The following RHCG variants were observed in gnomAD, a reference collection of about 807,000 sequenced individuals.
RHCG encodes Rh family C glycoprotein.
A neutral mutation model predicts 55.3 loss-of-function variants in RHCG; 39 were observed. The observed-to-expected ratio is 0.70, with a 90% CI of 0.55 to 0.92. The LOEUF (loss-of-function observed/expected upper bound fraction) is 0.92. Ranked by LOEUF, RHCG falls within the 40% of genes least tolerant of loss-of-function variation. The probability of loss-of-function intolerance (pLI) is 0.00; values close to 1 mark genes in which losing one functional copy is unlikely to be tolerated. For missense variants in RHCG, 635 were observed against 627.9 expected (o/e 1.01, Z -0.12); for synonymous variants, 250 against 246.8 (o/e 1.01, Z -0.12).
intron 9 of RHCG, among the ~76,000 whole-genome samples, chr15:89,475,740 T>A (rs1961136514): frequency 6.6e-6 from 1 of 152,074 alleles, no homozygotes; most frequent in Non-Finnish European, 1.5e-5. Context: ...TTTAAAAAAA[T>A]TCTAATGTCT....
intron 2 of RHCG, among the ~76,000 whole-genome samples, chr15:89,483,499 T>C (rs572604758): frequency 6.6e-6 from 1 of 152,208 alleles, no homozygotes; most frequent in South Asian, 2.1e-4. Flanking sequence ...CAGGGCACCA[T>C]GTGGTCTGGT....
intron 2 of RHCG, among the ~76,000 whole-genome samples, chr15:89,484,421 GT>G (rs1204097259): frequency 6.6e-6 from 1 of 152,146 alleles, no homozygotes; most frequent in Admixed American, 6.5e-5. Context: ...GAGAGGCTAA[GT>G]TTTTTGCCCA....
In RHCG at chr15:89,477,089, G is replaced by C; in HGVS notation, c.1230C>G (p.Ile410Met). 1 of 1,614,014 alleles carries C rather than the reference G, an allele frequency of 6.2e-7. No individual in the cohort carries two copies. The highest frequency in any genetic ancestry group is 1.3e-5 in the African/African-American group (1 of 74,980). The stretch of plus-strand genomic sequence containing the variant: ...TCAGCCATTCCTGCTCACCCACAAT[G>C]ATGCCACCCATCAGGGCCATGGCCA... ...VTLAMALMGGIIVGLILRLPF... is the reference protein window; with the variant it reads ...VTLAMALMGGMIVGLILRLPF... Residue 410 changes from isoleucine to methionine, a missense_variant, in exon 8 of 11, where the codon ATC becomes ATG. Ile to Met is a conservative substitution (Grantham distance 10). Transcript: ENST00000268122. The surrounding 1 kb of genome is among the most constrained non-coding windows in gnomAD (Gnocchi z 4.5).
intron 1 of RHCG, among the ~76,000 whole-genome samples, chr15:89,491,254 C>T (rs1281417645): frequency 2.0e-5 from 3 of 152,108 alleles, no homozygotes; most frequent in Non-Finnish European, 4.4e-5. Flanking sequence ...CTTCTCCCTG[C>T]TCTGGTGGGT....
rs747037947 is a variant in RHCG at position 89,477,142 on chromosome 15, ACT to A, written c.1175_1176del (p.Lys392IlefsTer35). On this transcript the variant is annotated frameshift_variant, in exon 8 of 11. Coordinates refer to ENST00000268122, the MANE Select transcript of RHCG (RefSeq NM_016321.3). LOFTEE classifies it high-confidence loss of function. This position sits in a 1 kb window ranked among gnomAD's most constrained non-coding sequence, Gnocchi z 4.5. ...NGDWTARTQGKFQIYGLLVTL... is the reference protein window; with the variant it reads ...NGDWTARTQGXFQIYGLLVTL... ...GTCACCAAGAGACCATAAATCTGGA[ACT>A]TTCCCTGTGTTCTTGCGGTCCAGTC... is the stretch of plus-strand genomic sequence containing the variant. 6.2e-7 allele frequency: 1 copy of A among 1,614,024 alleles called. No homozygotes were observed. Among genetic ancestry groups the A allele is most frequent in the South Asian group, 1.1e-5 (1 of 91,066 alleles).
intron 1 of RHCG, among the ~76,000 whole-genome samples, chr15:89,493,085 C>T (rs1242796838): frequency 2.0e-5 from 3 of 152,238 alleles, no homozygotes; most frequent in East Asian, 3.8e-4. Flanking sequence ...CTGCCTTCTG[C>T]CTGTGGGTAA....
At position 89,476,006 on chromosome 15, in the gene RHCG, G is replaced by GCT. The variant is rs1209826016; in HGVS notation, c.1311+747_1311+748dup. Among the ~76,000 whole-genome samples the GCT allele has an allele frequency of 6.3e-3, 868 of 137,916 alleles. 10 individuals are homozygous for GCT. Among genetic ancestry groups the GCT allele is most frequent in the African/African-American group, 0.028 (829 of 29,456 alleles). 90.5% of individuals were successfully genotyped at this position (137,916 alleles called of 152,430 possible). ...CTTTGCATTTCTCTCTCTCTCTCTT[G>GCT]CTCTCGCTCTCTCTCTCTCTCTCTC... On this transcript the variant is annotated intron_variant, in intron 9 of 10. Transcript: ENST00000268122.
At chr15:89,476,267 C>T (rs1290963179) in intron 9 of RHCG, among the ~76,000 whole-genome samples, 1 of 152,094 alleles carries the variant, frequency 6.6e-6, no homozygotes, top group Non-Finnish European at 1.5e-5. Flanking sequence ...ACAGAGTCTC[C>T]CTATGTTGCC....
chr15:89,487,230 T>C (rs991441683), intron 1 of RHCG, among the ~76,000 whole-genome samples: 1 of 152,064 alleles, frequency 6.6e-6, no homozygotes, highest in African/African-American at 2.4e-5. Flanking sequence ...AGGGAGGCGC[T>C]GGGGGGGACC....
At chr15:89,492,514 A>G (rs994753536) in intron 1 of RHCG, among the ~76,000 whole-genome samples, 4 of 151,624 alleles carry the variant, frequency 2.6e-5, no homozygotes, top group African/African-American at 9.7e-5. Flanking sequence ...CCACATCAAC[A>G]CTGCAAAATC....
chr15:89,487,123 G>A (rs1350746372), intron 1 of RHCG, 138 bp from the exon 2 acceptor site: 4 of 752,172 alleles, frequency 5.3e-6, no homozygotes, highest in Admixed American at 3.6e-5. Context: ...ATCCTAACCC[G>A]GTTCCCCCAC....
intron 2 of RHCG, 101 bp from the exon 3 acceptor site, chr15:89,483,318 C>T (rs751343791): frequency 5.5e-6 from 6 of 1,094,510 alleles, no homozygotes; most frequent in Admixed American, 2.9e-5. Flanking sequence ...TGTGGCTTAA[C>T]CTTTCTGAGC....
chr15:89,486,841 A>G lies in RHCG; in HGVS notation c.329T>C (p.Phe110Ser). The change falls in exon 2 of 11, where the codon TTC (phenylalanine) becomes TCC (serine). Residue 110 changes from phenylalanine (F) to serine (S), a missense_variant. Transcript: ENST00000268122. ...GATGTAGCGGTCTTGTAAGAAGTGGAACCAGCCCTGCATGAGCAGCGCCCA... is the reference window on the plus strand; with the variant it reads ...GATGTAGCGGTCTTGTAAGAAGTGGGACCAGCCCTGCATGAGCAGCGCCCA... Reference protein sequence around the residue: ...IQWALLMQGWFHFLQDRYIVV... With the variant: ...IQWALLMQGWSHFLQDRYIVV... The G allele has an allele frequency of 6.2e-7, 1 of 1,608,414 alleles. No individual in the cohort carries two copies. The highest frequency in any genetic ancestry group is 8.5e-7 in the Non-Finnish European group (1 of 1,175,616).
chr15:89,475,601 G>A (rs182626945), intron 9 of RHCG, among the ~76,000 whole-genome samples: 10 of 152,232 alleles, frequency 6.6e-5, no homozygotes, highest in East Asian at 1.9e-4. Flanking sequence ...GCAGAGTCCC[G>A]GTCCCTACTG....
chr15:89,472,584 G>T, intron 10 of RHCG, 127 bp downstream of exon 10: 2 of 913,968 alleles, frequency 2.2e-6, no homozygotes, highest in Non-Finnish European at 1.6e-6. Context: ...ACCTCAGGCA[G>T]GAGGGGTGGA....
At chr15:89,476,519 C>G (rs1034144033) in intron 9 of RHCG, among the ~76,000 whole-genome samples, 1 of 152,158 alleles carries the variant, frequency 6.6e-6, no homozygotes, top group African/African-American at 2.4e-5. Flanking sequence ...TCTGTCACCC[C>G]CTCTAGGGTG....
intron 2 of RHCG, chr15:89,486,189 C>A (rs1961355274): frequency 2.2e-6 from 1 of 451,112 alleles, no homozygotes; most frequent in African/African-American, 2.0e-5. Flanking sequence ...ACACTCCACA[C>A]CCACACCTGT....
At chr15:89,486,758 C>T (rs1447315186) in intron 2 of RHCG, 41 bp downstream of exon 2, 2 of 1,558,648 alleles carry the variant, frequency 1.3e-6, no homozygotes, top group Non-Finnish European at 8.7e-7. Context: ...AGCCCCATCC[C>T]TCCCAGTCCG....
At chr15:89,487,779 A>G (rs1039774114) in intron 1 of RHCG, among the ~76,000 whole-genome samples, 1 of 152,226 alleles carries the variant, frequency 6.6e-6, no homozygotes, top group African/African-American at 2.4e-5. Flanking sequence ...AGCATCTAGC[A>G]CAGTGTCTAC....
Sources: gnomAD v4.1 joint callset for allele counts (sites outside exome capture counted in the v4.1 genomes callset) on GRCh38, gnomAD v4.1.1 for gene constraint, Gnocchi (gnomAD v3.1) non-coding constraint, MANE v1.5 for transcripts, NCBI Gene and HGNC (gene_info 2026-07-23, HGNC 2026-07-21) for gene names.